Variants in CSNK1G1 observed in about 807,000 individuals in gnomAD.
CSNK1G1 encodes casein kinase 1 gamma 1.
A neutral mutation model predicts 59.6 loss-of-function variants in CSNK1G1; 22 were observed. The observed-to-expected ratio is 0.37, with a 90% CI of 0.26 to 0.53. The LOEUF (loss-of-function observed/expected upper bound fraction) is 0.53. Among genes scored for constraint, CSNK1G1 ranks in the 20% least tolerant of loss-of-function variants. The pLI is 0.89. For missense variants in CSNK1G1, 384 were observed against 519.5 expected (o/e 0.74, Z 2.54); for synonymous variants, 179 against 177.1 (o/e 1.01, Z -0.08).
At chr15:64,352,383 A>C (rs79144155) in intron 1 of CSNK1G1, among the ~76,000 whole-genome samples, 1,650 of 151,782 alleles carry the variant, frequency 0.011, 16 homozygotes, top group Non-Finnish European at 0.015. Flanking sequence ...CAGAAGAGCC[A>C]TTTAGAAAGC....
At chr15:64,275,347 T>C (rs2140355763) in intron 2 of CSNK1G1, among the ~76,000 whole-genome samples, 1 of 152,312 alleles carries the variant, frequency 6.6e-6, no homozygotes, top group Non-Finnish European at 1.5e-5. Flanking sequence ...AGAGCATCTC[T>C]TTAAGTGAGC....
At chr15:64,311,585 C>T (rs1469588390) in intron 1 of CSNK1G1, among the ~76,000 whole-genome samples, 8 of 146,708 alleles carry the variant, frequency 5.5e-5, no homozygotes, top group Admixed American at 4.9e-4. Context: ...CCCACGAATT[C>T]GAAGCTGACA....
intron 2 of CSNK1G1, among the ~76,000 whole-genome samples, chr15:64,299,790 GAAACTCC>G (rs1895225333): frequency 6.6e-6 from 1 of 151,930 alleles, no homozygotes; most frequent in Non-Finnish European, 1.5e-5. Context: ...TCTAATGCTG[GAAACTCC>G]AGGAAGAAAC....
intron 1 of CSNK1G1, among the ~76,000 whole-genome samples, chr15:64,351,568 T>C (rs1022142887): frequency 3.9e-5 from 6 of 152,180 alleles, no homozygotes; most frequent in African/African-American, 1.2e-4. Context: ...TAGTATACTA[T>C]CTCTTATATC....
chr15:64,345,481 T>A (rs1897904731), intron 1 of CSNK1G1, among the ~76,000 whole-genome samples: 2 of 152,232 alleles, frequency 1.3e-5, no homozygotes, highest in Non-Finnish European at 2.9e-5. Flanking sequence ...TTGTCCTTAG[T>A]GACAGTTGAA....
chr15:64,290,305 TTA>T (rs376846575), intron 2 of CSNK1G1, among the ~76,000 whole-genome samples: 1 of 150,954 alleles, frequency 6.6e-6, no homozygotes, highest in Middle Eastern at 3.4e-3. Context: ...ATGGATGATT[TTA>T]TATATATATA....
chr15:64,237,718 C>CGA (rs1383844462), intron 4 of CSNK1G1, among the ~76,000 whole-genome samples: 5 of 152,184 alleles, frequency 3.3e-5, no homozygotes, highest in African/African-American at 1.2e-4. Flanking sequence ...ATGACTTCTT[C>CGA]AGATCTATAG....
chr15:64,289,997 T>C (rs933586959), intron 2 of CSNK1G1, among the ~76,000 whole-genome samples: 2 of 152,168 alleles, frequency 1.3e-5, no homozygotes, highest in African/African-American at 4.8e-5. Context: ...TTTTGTTTTG[T>C]TGGTTTTTCC....
At chr15:64,173,063 T>C (rs1331741937) in intron 11 of CSNK1G1, among the ~76,000 whole-genome samples, 1 of 152,232 alleles carries the variant, frequency 6.6e-6, no homozygotes, top group Admixed American at 6.5e-5. Context: ...GTTGGAAGCA[T>C]AGCTCAGACT....
intron 1 of CSNK1G1, among the ~76,000 whole-genome samples, chr15:64,304,019 C>A (rs1385459800): frequency 6.6e-6 from 1 of 151,510 alleles, no homozygotes; most frequent in South Asian, 2.1e-4. Flanking sequence ...ACAACCATGA[C>A]AAAAACTGAC....
chr15:64,209,043 T>A (rs1032916270), intron 6 of CSNK1G1, among the ~76,000 whole-genome samples: 1 of 152,050 alleles, frequency 6.6e-6, no homozygotes, highest in African/African-American at 2.4e-5. Context: ...TGCACCACCA[T>A]CCCTGGCTAC....
chr15:64,262,805 G>A (rs979547571), intron 2 of CSNK1G1, among the ~76,000 whole-genome samples: 1 of 152,122 alleles, frequency 6.6e-6, no homozygotes, highest in Non-Finnish European at 1.5e-5. Context: ...GCAGTCAGGC[G>A]CAATGGCTCA....
chr15:64,314,403 T>C (rs950470331), intron 1 of CSNK1G1, among the ~76,000 whole-genome samples: 5 of 152,126 alleles, frequency 3.3e-5, no homozygotes, highest in African/African-American at 1.2e-4. Flanking sequence ...TACAAAGTAA[T>C]GTTATAATTT....
intron 4 of CSNK1G1, among the ~76,000 whole-genome samples, chr15:64,223,038 G>A (rs2082411519): frequency 6.6e-6 from 1 of 152,166 alleles, no homozygotes; most frequent in Non-Finnish European, 1.5e-5. Flanking sequence ...GGGAGATGTA[G>A]CTGTAATTTA....
rs999104814 is a variant in CSNK1G1 at position 64,192,778 on chromosome 15, G to T, written c.1107+10304C>A. ...GGAGGCTGAGAACCCAGGAGGCAGA[G>T]GTTGCAGTGAGCTGAGATTGTGCCA... On this transcript the variant is annotated intron_variant, in intron 10 of 11. Coordinates refer to ENST00000303052, the MANE Select transcript of CSNK1G1 (RefSeq NM_022048.5). 4.4e-5 allele frequency among the ~76,000 whole-genome samples: 6 copies of T among 137,800 alleles called. No homozygotes were observed. The East Asian group carries it at 1.2e-3, about 27-fold the overall frequency. The allele number at this position is 137,800 out of a possible 152,430, so 90.4% of individuals were successfully genotyped here.
In CSNK1G1 at chr15:64,216,427, G is replaced by T; in HGVS notation, c.444+135C>A. On this transcript the variant is annotated intron_variant, in intron 5 of 11. Coordinates refer to ENST00000303052, the MANE Select transcript of CSNK1G1 (RefSeq NM_022048.5). The surrounding 1 kb of genome is among the most constrained non-coding windows in gnomAD (Gnocchi z 4.6). ...GAATTTACCCTTTTTGCCCCAGCCA[G>T]CTTCCCAGAATGCCATCAAGCCTGT... 1 of 845,992 alleles carries T rather than the reference G, an allele frequency of 1.2e-6. No individual in the cohort carries two copies. Among genetic ancestry groups the T allele is most frequent in the Non-Finnish European group, 1.8e-6 (1 of 554,780 alleles). 52.4% of individuals were successfully genotyped at this position (845,992 alleles called of 1,614,324 possible). A position where few individuals can be genotyped will look rare whatever the true frequency, so the allele number is the denominator to read the frequency against.
chr15:64,274,097 T>C (rs1347212590), intron 2 of CSNK1G1, among the ~76,000 whole-genome samples: 2 of 152,232 alleles, frequency 1.3e-5, no homozygotes, highest in African/African-American at 4.8e-5. Context: ...AATGCTAGCT[T>C]GCGTTTACTT....
intron 1 of CSNK1G1, among the ~76,000 whole-genome samples, chr15:64,318,903 G>C (rs190944896): frequency 1.6e-3 from 240 of 151,568 alleles, no homozygotes; most frequent in African/African-American, 5.7e-3. Context: ...GAGCCACCGT[G>C]CCTGGCCAAC....
intron 4 of CSNK1G1, among the ~76,000 whole-genome samples, chr15:64,230,110 C>A (rs2082526669): frequency 6.6e-6 from 1 of 151,112 alleles, no homozygotes; most frequent in African/African-American, 2.4e-5. Context: ...TTAGTAGAGA[C>A]AGGGTTTTAC....
Sources: gnomAD v4.1 joint callset for allele counts (sites outside exome capture counted in the v4.1 genomes callset) on GRCh38, gnomAD v4.1.1 for gene constraint, Gnocchi (gnomAD v3.1) non-coding constraint, MANE v1.5 for transcripts, NCBI Gene and HGNC (gene_info 2026-07-23, HGNC 2026-07-21) for gene names.